The following TENM4 variants were observed in gnomAD, a reference collection of about 807,000 sequenced individuals.
The protein encoded by TENM4 is teneurin-4.
TENM4 carries 82 observed loss-of-function variants against 243.3 expected under a neutral mutation model. That is an observed-to-expected ratio of 0.34 (90% CI 0.28 to 0.40). The LOEUF (loss-of-function observed/expected upper bound fraction) is 0.40, where lower values mean the gene tolerates loss of function less well. TENM4 is among the 10% of genes least tolerant of loss of function. TENM4 has a pLI of 1.00. For synonymous variants in TENM4, 1,412 were observed against 1,456.3 expected, an observed-to-expected ratio of 0.97 and a Z score of 0.69; for missense variants, 3,138 against 3,673.3, an observed-to-expected ratio of 0.85 and a Z score of 3.77.
intron 6 of TENM4, among the ~76,000 whole-genome samples, chr11:78,935,531 G>C (rs889129376): frequency 1.3e-5 from 2 of 152,194 alleles, no homozygotes; most frequent in Non-Finnish European, 2.9e-5. Flanking sequence ...TCGGCCAAAT[G>C]AATCTGTTTA....
At chr11:79,265,308 G>A (rs528953651) in intron 2 of TENM4, among the ~76,000 whole-genome samples, 44 of 152,288 alleles carry the variant, frequency 2.9e-4, no homozygotes, top group African/African-American at 7.5e-4. Flanking sequence ...TTCACATTGC[G>A]TGATAAAGAC....
At chr11:78,846,105 C>G (rs1400902000) in intron 12 of TENM4, among the ~76,000 whole-genome samples, 9 of 152,198 alleles carry the variant, frequency 5.9e-5, no homozygotes, top group Non-Finnish European at 8.8e-5. Flanking sequence ...GACCTGGTCA[C>G]TGAGATGTAA....
chr11:79,087,876 C>G (rs558547109), intron 4 of TENM4, among the ~76,000 whole-genome samples: 2 of 152,352 alleles, frequency 1.3e-5, no homozygotes, highest in South Asian at 4.1e-4. Flanking sequence ...AGGCTGCACA[C>G]GCACTACAGT....
At chr11:78,861,793 G>T (rs1242112058) in intron 10 of TENM4, among the ~76,000 whole-genome samples, 1 of 152,238 alleles carries the variant, frequency 6.6e-6, no homozygotes. Context: ...TCAACTGAGA[G>T]AAAAGAAGAT....
At chr11:79,122,462 G>A (rs1861763152) in intron 4 of TENM4, among the ~76,000 whole-genome samples, 1 of 152,180 alleles carries the variant, frequency 6.6e-6, no homozygotes, top group African/African-American at 2.4e-5. Context: ...AATCAAGGAA[G>A]CTGAGACTTG....
chr11:78,993,684 T>C (rs1241237336), intron 6 of TENM4, among the ~76,000 whole-genome samples: 3 of 139,024 alleles, frequency 2.2e-5, no homozygotes, highest in African/African-American at 6.1e-5. Context: ...TTTCAGATAC[T>C]ACATTTTTCA....
At chr11:78,980,274 T>C (rs1198860645) in intron 6 of TENM4, among the ~76,000 whole-genome samples, 1 of 152,226 alleles carries the variant, frequency 6.6e-6, no homozygotes, top group Non-Finnish European at 1.5e-5. Flanking sequence ...CATGCATCCA[T>C]TTTTAATTGT....
At chr11:79,178,610 C>A (rs894312701) in intron 3 of TENM4, among the ~76,000 whole-genome samples, 1 of 152,184 alleles carries the variant, frequency 6.6e-6, no homozygotes, top group Non-Finnish European at 1.5e-5. Flanking sequence ...GAGGACTGAG[C>A]AAGGACCACT....
intron 4 of TENM4, among the ~76,000 whole-genome samples, chr11:79,148,236 GACATGCTGTTT>G (rs1862430265): frequency 6.6e-6 from 1 of 152,144 alleles, no homozygotes; most frequent in Non-Finnish European, 1.5e-5. Context: ...CTTGAGGAGG[GACATGCTGTTT>G]ACATTCACCT....
chr11:79,394,614 G>A (rs1459580837), intron 1 of TENM4, among the ~76,000 whole-genome samples: 1 of 152,172 alleles, frequency 6.6e-6, no homozygotes, highest in Non-Finnish European at 1.5e-5. Context: ...GTTGAATCAT[G>A]TTCCTCCAAA....
chr11:78,670,276 C>T lies in TENM4; in HGVS notation c.6069G>A (p.Thr2023=), dbSNP rs757066572. The change falls in exon 32 of 34, where the codon ACG becomes ACA. Residue 2023 remains threonine, a synonymous_variant. Transcript: ENST00000278550. ...KYGKLSKLAE[T]LYDTTKVSFT... is the part of the protein sequence containing the mutation. Reference sequence around the variant, plus strand: ...AACTGACCTTGGTGGTGTCATAGAGCGTCTCTGCCAGCTTTGACAGTTTGC... The same window carrying T: ...AACTGACCTTGGTGGTGTCATAGAGTGTCTCTGCCAGCTTTGACAGTTTGC... 2.2e-5 allele frequency: 36 copies of T among 1,613,818 alleles called. 1 individual carries two copies. In the Middle Eastern group the frequency reaches 8.2e-4, roughly 37 times the overall value.
chr11:78,845,654 G>A (rs769314918), intron 12 of TENM4, among the ~76,000 whole-genome samples: 4 of 152,126 alleles, frequency 2.6e-5, no homozygotes, highest in Non-Finnish European at 4.4e-5. Flanking sequence ...CATATCAGTG[G>A]TGCTGTAAAG....
At chr11:78,726,042 C>T in intron 23 of TENM4, 37 bp downstream of exon 23, 1 of 1,611,354 alleles carries the variant, frequency 6.2e-7, no homozygotes, top group African/African-American at 1.3e-5. Context: ...AAGGTTCCAC[C>T]CCAGCCTGGT....
At chr11:78,896,974 C>A (rs193218051) in intron 7 of TENM4, among the ~76,000 whole-genome samples, 14 of 152,300 alleles carry the variant, frequency 9.2e-5, no homozygotes, top group Admixed American at 2.0e-4. Context: ...TGGCCCTGGG[C>A]TGGCATCTGG....
chr11:79,361,610 AC>A (rs1375053438), intron 1 of TENM4, among the ~76,000 whole-genome samples: 3 of 152,002 alleles, frequency 2.0e-5, no homozygotes, highest in African/African-American at 7.3e-5. Flanking sequence ...CTCTTCAGTC[AC>A]CCCTTTTGAG....
Position 78,901,371 on chromosome 11 carries a change from A to G in TENM4, c.749+1897T>C, listed in dbSNP as rs561139106. On this transcript the variant is annotated intron_variant, in intron 7 of 33. Transcript: ENST00000278550. ...ATTTGAGTAATAAAGTATAAATAAA[A>G]AGAAAAAGCTGCATGTGTTTGAGCA... Among the ~76,000 whole-genome samples the G allele has an allele frequency of 3.7e-4, 57 of 152,268 alleles. 3 individuals are homozygous for G. The South Asian group carries it at 0.012, about 32-fold the overall frequency.
intron 6 of TENM4, among the ~76,000 whole-genome samples, chr11:79,056,368 G>A (rs893226060): frequency 2.0e-5 from 3 of 152,006 alleles, no homozygotes; most frequent in Non-Finnish European, 4.4e-5. Context: ...TGTTGTGTTA[G>A]TATGTGCTGC....
At chr11:78,958,177 C>T (rs997806114) in intron 6 of TENM4, among the ~76,000 whole-genome samples, 2 of 152,170 alleles carry the variant, frequency 1.3e-5, no homozygotes, top group African/African-American at 4.8e-5. Flanking sequence ...ATAGAAAGTC[C>T]TTATTAAATG....
At chr11:78,778,191 G>A (rs189649870) in intron 17 of TENM4, among the ~76,000 whole-genome samples, 196 of 152,212 alleles carry the variant, frequency 1.3e-3, no homozygotes, top group African/African-American at 4.7e-3. Context: ...TTCTTAACTT[G>A]CTCTTGGGTC....
Sources: allele counts gnomAD v4.1 joint callset (sites outside exome capture counted in the v4.1 genomes callset), GRCh38; gene constraint gnomAD v4.1.1; transcripts MANE v1.5; gene names NCBI Gene and HGNC (gene_info 2026-07-23, HGNC 2026-07-21).